Variants in NFIA observed in about 807,000 individuals in gnomAD.
NFIA encodes the protein nuclear factor I A.
Under a neutral mutation model 62.8 loss-of-function variants are expected in NFIA, and 8 were observed. That is an observed-to-expected ratio of 0.13 (90% CI 0.07 to 0.23). NFIA has a LOEUF of 0.23. NFIA is among the 10% of genes least tolerant of loss of function. NFIA has a pLI of 1.00. For missense variants in NFIA, 410 were observed against 642.1 expected (o/e 0.64, Z 3.91); for synonymous variants, 235 against 238.1 (o/e 0.99, Z 0.12).
chr1:61,202,204 A>G (rs1652549460), intron 2 of NFIA, among the ~76,000 whole-genome samples: 1 of 152,170 alleles, frequency 6.6e-6, no homozygotes, highest in African/African-American at 2.4e-5. Context: ...TAGTGTAATT[A>G]TGGTCATAAA....
rs117241466 is a variant in NFIA at position 61,335,949 on chromosome 1, C to G, written c.700+3363C>G. Among the ~76,000 whole-genome samples, 119 of 152,242 alleles carry G rather than the reference C, an allele frequency of 7.8e-4. 2 individuals are homozygous for G. Among genetic ancestry groups the G allele is most frequent in the East Asian group, 6.2e-3 (32 of 5,194 alleles). ...TAATATGAAAAATTAGAGTAGCTAG[C>G]ATTTATCAAGCATATACCATGTACC... On this transcript the variant is annotated intron_variant, in intron 4 of 10. Coordinates refer to ENST00000403491, the MANE Select transcript of NFIA (RefSeq NM_001134673.4).
At chr1:61,401,748 AGTATATTCTCAGCCTAG>A (rs1665566245) in intron 7 of NFIA, among the ~76,000 whole-genome samples, 1 of 152,182 alleles carries the variant, frequency 6.6e-6, no homozygotes, top group Admixed American at 6.5e-5. Context: ...TGTTAGGCTC[AGTATATTCTCAGCCTAG>A]TTTGGGAAAT....
At chr1:61,389,400 C>T (rs1664856533) in intron 7 of NFIA, among the ~76,000 whole-genome samples, 1 of 152,206 alleles carries the variant, frequency 6.6e-6, no homozygotes, top group South Asian at 2.1e-4. Context: ...AGGCTGGAAA[C>T]TCCAAATTTT....
chr1:61,429,118 G>A (rs1343564291), intron 10 of NFIA, among the ~76,000 whole-genome samples: 3 of 152,160 alleles, frequency 2.0e-5, no homozygotes, highest in Non-Finnish European at 4.4e-5. Context: ...TTTCAAGTGG[G>A]TAGAAATTGA....
chr1:61,386,033 A>C (rs1664667319), intron 7 of NFIA: 1 of 152,208 alleles, frequency 6.6e-6, no homozygotes. Flanking sequence ...ATAAGAATTG[A>C]GATAGGCTAA....
At chr1:61,124,663 A>G (rs960546680) in intron 2 of NFIA, 6 of 152,208 alleles carry the variant, frequency 3.9e-5, no homozygotes, top group African/African-American at 1.2e-4. Flanking sequence ...TTGAAAGAAA[A>G]TAATAATGAA....
chr1:61,308,062 T>C (rs1659898047), intron 3 of NFIA, among the ~76,000 whole-genome samples: 1 of 152,246 alleles, frequency 6.6e-6, no homozygotes, highest in Non-Finnish European at 1.5e-5. Context: ...GACAGATCAT[T>C]ATCCCCTTCT....
At chr1:61,251,147 T>C (rs1190057994) in intron 2 of NFIA, 1 of 152,226 alleles carries the variant, frequency 6.6e-6, no homozygotes, top group Non-Finnish European at 1.5e-5. Flanking sequence ...CACTTTTCTT[T>C]TGCATATGAA....
intron 3 of NFIA, among the ~76,000 whole-genome samples, chr1:61,303,878 G>A (rs982315367): frequency 6.6e-6 from 1 of 152,172 alleles, no homozygotes; most frequent in African/African-American, 2.4e-5. Flanking sequence ...CTGAGAATAG[G>A]AGAAACAAAA....
At chr1:61,219,161 GGC>G (rs1653842239) in intron 2 of NFIA, among the ~76,000 whole-genome samples, 2 of 151,488 alleles carry the variant, frequency 1.3e-5, no homozygotes, top group Non-Finnish European at 2.9e-5. Context: ...GAACCCACAG[GGC>G]AGAGGTTGCA....
intron 3 of NFIA, among the ~76,000 whole-genome samples, chr1:61,287,881 G>A (rs115092935): frequency 2.8e-4 from 43 of 152,304 alleles, no homozygotes; most frequent in African/African-American, 9.6e-4. Context: ...TGATTAGTCT[G>A]TGATGATTTC....
intron 4 of NFIA, among the ~76,000 whole-genome samples, chr1:61,347,485 T>C (rs964269111): frequency 2.0e-5 from 3 of 152,160 alleles, no homozygotes; most frequent in Non-Finnish European, 4.4e-5. Context: ...CTTTGCTTCT[T>C]ATCTCCAAAC....
At chr1:61,352,309 C>G (rs983391617) in intron 4 of NFIA, 141 bp from the exon 5 acceptor site, 7 of 604,884 alleles carry the variant, frequency 1.2e-5, no homozygotes, top group Non-Finnish European at 1.7e-5. Context: ...CCTTTGGAGT[C>G]ATAGTTTATT....
At chr1:61,329,154 TCTC>T (rs980474025) in intron 3 of NFIA, among the ~76,000 whole-genome samples, 3 of 151,632 alleles carry the variant, frequency 2.0e-5, no homozygotes, top group African/African-American at 4.8e-5. Flanking sequence ...TTCAAGCTGT[TCTC>T]CTGCCTCAGC....
intron 7 of NFIA, among the ~76,000 whole-genome samples, chr1:61,397,706 T>C (rs1665349260): frequency 6.6e-6 from 1 of 152,200 alleles, no homozygotes. Context: ...GTAGAGAAGC[T>C]CAGCAACCTG....
At chr1:61,288,570 A>G (rs1331762322) in intron 3 of NFIA, among the ~76,000 whole-genome samples, 1 of 152,226 alleles carries the variant, frequency 6.6e-6, no homozygotes, top group Non-Finnish European at 1.5e-5. Flanking sequence ...TCATAATAGT[A>G]GCTCACAATC....
At chr1:61,429,919 G>A (rs1223383529) in intron 10 of NFIA, among the ~76,000 whole-genome samples, 1 of 152,158 alleles carries the variant, frequency 6.6e-6, no homozygotes, top group Non-Finnish European at 1.5e-5. Context: ...GTTAGGGGCA[G>A]GGCAGAATGG....
At chr1:61,248,309 TA>T (rs1468841445) in intron 2 of NFIA, among the ~76,000 whole-genome samples, 1 of 152,160 alleles carries the variant, frequency 6.6e-6, no homozygotes, top group African/African-American at 2.4e-5. Flanking sequence ...GCCTTTTAAC[TA>T]AAAGGCTTCG....
chr1:61,432,299 TC>T (rs1313875081), intron 10 of NFIA, among the ~76,000 whole-genome samples: 1 of 151,408 alleles, frequency 6.6e-6, no homozygotes, highest in Admixed American at 6.6e-5. Context: ...AGTTCTGTCT[TC>T]CCTGGACCAG....
Sources: allele counts gnomAD v4.1 joint callset (sites outside exome capture counted in the v4.1 genomes callset), GRCh38; gene constraint gnomAD v4.1.1; transcripts MANE v1.5; gene names NCBI Gene and HGNC (gene_info 2026-07-23, HGNC 2026-07-21).